CHFR: variants seen among roughly 807,000 people sequenced by gnomAD.
CHFR encodes E3 ubiquitin-protein ligase CHFR.
Under a neutral mutation model 87.6 loss-of-function variants are expected in CHFR, and 57 were observed. That is an observed-to-expected ratio of 0.65 (90% CI 0.53 to 0.81). CHFR has a LOEUF of 0.81. Among genes scored for constraint, CHFR ranks in the 30% least tolerant of loss-of-function variants. CHFR has a pLI of 0.00. For synonymous variants in CHFR, 381 were observed against 359.2 expected (o/e 1.06, Z -0.69); for missense variants, 797 against 865.8 (o/e 0.92, Z 1.00).
chr12:132,863,054 G>A (rs112960453), intron 6 of CHFR, among the ~76,000 whole-genome samples: 8,453 of 141,978 alleles, frequency 0.06, 793 homozygotes, highest in African/African-American at 0.2. Flanking sequence ...CCGCCACCAC[G>A]CCCGGCTAAT....
chr12:132,871,281 G>A (rs1291026770), intron 4 of CHFR, among the ~76,000 whole-genome samples: 3 of 152,010 alleles, frequency 2.0e-5, no homozygotes, highest in African/African-American at 7.3e-5. Context: ...GCGAAACCCT[G>A]TCTGTACTAA....
intron 15 of CHFR, 120 bp from the exon 16 acceptor site, chr12:132,844,254 A>G (rs757831785): frequency 1.1e-4 from 71 of 651,214 alleles, no homozygotes; most frequent in Non-Finnish European, 1.9e-4. Flanking sequence ...CGGGCGACAC[A>G]TTAGGAAAAT....
intron 15 of CHFR, among the ~76,000 whole-genome samples, chr12:132,845,517 G>T (rs971242797): frequency 6.6e-6 from 1 of 152,056 alleles, no homozygotes. Flanking sequence ...AGGCATGGTA[G>T]CACACGCTTG....
rs988302054 is a variant in CHFR, at chr12:132,836,636, C to T, written c.*4918G>A. The T allele has an allele frequency of 2.2e-5, 10 of 455,950 alleles. No individual in the cohort carries two copies. Among genetic ancestry groups the T allele is most frequent in the Middle Eastern group, 3.2e-4 (1 of 3,090 alleles). The allele number at this position is 455,950 out of a possible 1,614,324, so 28.2% of individuals were successfully genotyped here. Reference sequence around the variant, plus strand: ...TCAACATTCTCTCCTGAGTCCATTCCTTCCACAGACATGCACGACCAAGTG... The same window carrying T: ...TCAACATTCTCTCCTGAGTCCATTCTTTCCACAGACATGCACGACCAAGTG... On this transcript the variant is annotated 3_prime_UTR_variant, in exon 18 of 18. Coordinates refer to ENST00000450056, the MANE Select transcript of CHFR (RefSeq NM_001161346.2).
intron 6 of CHFR, among the ~76,000 whole-genome samples, chr12:132,862,860 A>G (rs12832467): frequency 0.97 from 146,349 of 151,542 alleles, 70,878 homozygotes; most frequent in East Asian, 1. Flanking sequence ...GATTAAAGGC[A>G]TGAGCCACTG....
intron 3 of CHFR, among the ~76,000 whole-genome samples, chr12:132,876,518 C>G (rs1244330032): frequency 2.0e-5 from 3 of 152,198 alleles, no homozygotes; most frequent in Non-Finnish European, 4.4e-5. Flanking sequence ...TTCAGATACT[C>G]AATCTGTACT....
chr12:132,878,411 G>A (rs1951681253), intron 2 of CHFR, among the ~76,000 whole-genome samples: 1 of 151,736 alleles, frequency 6.6e-6, no homozygotes, highest in African/African-American at 2.4e-5. Context: ...AGAGGTTGCA[G>A]TGAGCTGAGA....
At chr12:132,873,701 CTG>C (rs931077829) in intron 3 of CHFR, among the ~76,000 whole-genome samples, 11 of 151,290 alleles carry the variant, frequency 7.3e-5, no homozygotes, top group African/African-American at 2.7e-4. Flanking sequence ...GACTGACTTT[CTG>C]TGTCCTCCTG....
chr12:132,880,432 G>A (rs560410993), intron 2 of CHFR, among the ~76,000 whole-genome samples: 68 of 152,138 alleles, frequency 4.5e-4, no homozygotes, highest in Non-Finnish European at 9.0e-4. Context: ...CAAGGGGGGG[G>A]CGGATCACAA....
At position 132,861,455 on chromosome 12, in the gene CHFR, C is replaced by T; in HGVS notation, c.751+12G>A. 1 of 1,613,558 alleles carries T rather than the reference C, an allele frequency of 6.2e-7. No homozygotes were observed. Among genetic ancestry groups the T allele is most frequent in the Non-Finnish European group, 8.5e-7 (1 of 1,179,530 alleles). ...ACGAGAGGACTGAGGACACACACAA[C>T]CAGACACTAACCTCCTCTCATTTTC... On this transcript the variant is annotated intron_variant, in intron 7 of 17. Transcript: ENST00000450056.
chr12:132,851,201 G>A (rs1164031336), intron 12 of CHFR, among the ~76,000 whole-genome samples: 2 of 152,010 alleles, frequency 1.3e-5, no homozygotes, highest in East Asian at 3.9e-4. Flanking sequence ...ATATTGCCCA[G>A]GCTGGTCTGA....
In CHFR at chr12:132,843,038, C is replaced by T. The variant is rs745735958; in HGVS notation, c.1889G>A (p.Arg630His). The T allele has an allele frequency of 3.4e-5, 55 of 1,613,090 alleles. 1 individual carries two copies. The highest frequency in any genetic ancestry group is 8.3e-5 in the Admixed American group (5 of 59,890). ...GGCGTGGTGAGCTTTCACCTGAGTG[C>T]GGCAGTTACGGCCCCAGTAGCAGTC... The part of the protein sequence containing the change: ...RPDCYWGRNC[R>H]TQVKAHHAMK... Residue 630 changes from arginine (R) to histidine (H), a missense_variant, in exon 17 of 18, where the codon CGC becomes CAC. This residue lies in a region of CHFR where 200 missense variants were observed against 264.6 expected (regional missense o/e 0.76). Transcript: ENST00000450056.
chr12:132,854,835 T>C (rs1951029686), intron 10 of CHFR: 1 of 150,952 alleles, frequency 6.6e-6, no homozygotes, highest in South Asian at 2.1e-4. Context: ...AATAAATTTG[T>C]TTCTCACGCC....
At chr12:132,859,620 G>A (rs775313907) in intron 7 of CHFR, among the ~76,000 whole-genome samples, 2 of 152,096 alleles carry the variant, frequency 1.3e-5, no homozygotes, top group Non-Finnish European at 2.9e-5. Flanking sequence ...AAAGTACTAG[G>A]GTAACAGGTG....
In CHFR at chr12:132,840,515, G is replaced by C. The variant is rs1018288530; in HGVS notation, c.*1039C>G. ...TATCAGTTTACAAACAAGGATAACA[G>C]GTGATTTCAACAAAAGATAAAAAAC... On this transcript the variant is annotated 3_prime_UTR_variant, in exon 18 of 18. Transcript: ENST00000450056. 1.3e-5 allele frequency: 2 copies of C among 152,676 alleles called. No homozygotes were observed. The highest frequency in any genetic ancestry group is 2.9e-5 in the Non-Finnish European group (2 of 68,052). 9.5% of individuals were successfully genotyped at this position (152,676 alleles called of 1,614,324 possible). A position where few individuals can be genotyped will look rare whatever the true frequency, so the allele number is the denominator to read the frequency against.
intron 2 of CHFR, among the ~76,000 whole-genome samples, chr12:132,885,538 G>T (rs1487323892): frequency 1.3e-5 from 2 of 152,038 alleles, no homozygotes; most frequent in African/African-American, 4.8e-5. Flanking sequence ...TAAAGTTTTT[G>T]CTGGCAACAT....
chr12:132,844,088 C>G lies in CHFR; in HGVS notation c.1782G>C (p.Leu594=), dbSNP rs937547511. 44 of 1,613,766 alleles carry G rather than the reference C, an allele frequency of 2.7e-5. No homozygotes were observed. Among genetic ancestry groups the G allele is most frequent in the Non-Finnish European group, 3.6e-5 (43 of 1,179,834 alleles). The change falls in exon 16 of 18, where the codon CTG becomes CTC. Residue 594 remains leucine, a synonymous_variant. Transcript: ENST00000450056. Reference sequence around the variant, plus strand: ...GATAGGTCAGCTCACGGAAGCTGCGCAGGCCACAGCAGTAACACAGAACGG... The same window carrying G: ...GATAGGTCAGCTCACGGAAGCTGCGGAGGCCACAGCAGTAACACAGAACGG... ...GDTVLCYCCG[L]RSFRELTYQY...
rs1950686736 is a variant in CHFR at position 132,840,376 on chromosome 12, T to G, written c.*1178A>C. On this transcript the variant is annotated 3_prime_UTR_variant, in exon 18 of 18. Coordinates refer to ENST00000450056, the MANE Select transcript of CHFR (RefSeq NM_001161346.2). ...GGAGGAGCAAACGCGGCTCATTTAT[T>G]AGAATATGCAAAAGAGAGGACTTTC... The G allele has an allele frequency of 6.6e-6, 1 of 152,610 alleles. No individual in the cohort carries two copies. Among genetic ancestry groups the G allele is most frequent in the Non-Finnish European group, 1.5e-5 (1 of 68,052 alleles). The allele number at this position is 152,610 out of a possible 1,614,324, so 9.5% of individuals were successfully genotyped here.
Position 132,835,753 on chromosome 12 carries a change from C to A in CHFR, c.*5801G>T. 1 of 269,042 alleles carries A rather than the reference C, an allele frequency of 3.7e-6. No individual in the cohort carries two copies. Among genetic ancestry groups the A allele is most frequent in the South Asian group, 3.1e-5 (1 of 32,098 alleles). 16.7% of individuals were successfully genotyped at this position (269,042 alleles called of 1,614,324 possible). A position where few individuals can be genotyped will look rare whatever the true frequency, so the allele number is the denominator to read the frequency against. On this transcript the variant is annotated 3_prime_UTR_variant, in exon 18 of 18. Coordinates refer to ENST00000450056, the MANE Select transcript of CHFR (RefSeq NM_001161346.2). ...TGATCCAGCGGCCCAAGTGGACCCA[C>A]ATTCAAGGCCAGCACTGGGCAGGGC...
Sources: allele counts gnomAD v4.1 joint callset (sites outside exome capture counted in the v4.1 genomes callset), GRCh38; gene constraint gnomAD v4.1.1; regional missense constraint gnomAD v4.1.1; transcripts MANE v1.5; gene names NCBI Gene and HGNC (gene_info 2026-07-23, HGNC 2026-07-21).